The following ZNG1F variants were observed in gnomAD, a reference collection of about 807,000 sequenced individuals.
ZNG1F encodes zinc-regulated GTPase metalloprotein activator 1F.
chr9:41,155,277 G>C, the ZNG1F span, among the ~76,000 whole-genome samples: 1 of 150,520 alleles, frequency 6.6e-6, no homozygotes, highest in African/African-American at 2.4e-5. Context: ...CTGGCCATCA[G>C]AGAAATGCAA....
chr9:41,150,216 G>T, the ZNG1F span, among the ~76,000 whole-genome samples: 2 of 144,576 alleles, frequency 1.4e-5, no homozygotes, highest in South Asian at 4.6e-4. Context: ...GTGACAGACT[G>T]CACCTGTAAG....
the ZNG1F span, chr9:41,157,421 A>C: frequency 7.2e-6 from 1 of 139,732 alleles, no homozygotes; most frequent in African/African-American, 2.8e-5. Flanking sequence ...CCGAGATTGC[A>C]CCACTGCACT....
the ZNG1F span, among the ~76,000 whole-genome samples, chr9:41,185,708 T>C: frequency 2.0e-5 from 3 of 149,796 alleles, no homozygotes; most frequent in Admixed American, 1.3e-4. Flanking sequence ...AAACGTTTTT[T>C]CATATGTCTA....
chr9:41,158,894 A>T, the ZNG1F span: 1 of 142,262 alleles, frequency 7.0e-6, no homozygotes, highest in Non-Finnish European at 1.5e-5. Flanking sequence ...AGGAAAAAAA[A>T]GACCATTACC....
chr9:41,145,508 G>A, the ZNG1F span: 1 of 627,182 alleles, frequency 1.6e-6, no homozygotes, highest in Non-Finnish European at 2.6e-6. Context: ...GGCAGATTAA[G>A]TTTTTTTAAA....
the ZNG1F span, among the ~76,000 whole-genome samples, chr9:41,185,653 C>T: frequency 6.6e-6 from 1 of 151,942 alleles, no homozygotes; most frequent in Non-Finnish European, 1.5e-5. Flanking sequence ...AGCCTGGCAA[C>T]AGAGAGAGAC....
At chr9:41,185,531 G>T in the ZNG1F span, among the ~76,000 whole-genome samples, 2 of 144,370 alleles carry the variant, frequency 1.4e-5, no homozygotes, top group South Asian at 4.5e-4. Context: ...AAATTATCTG[G>T]GCATGGTGGC....
chr9:41,199,693 T>C, the ZNG1F span, among the ~76,000 whole-genome samples: 4 of 151,576 alleles, frequency 2.6e-5, no homozygotes, highest in Non-Finnish European at 4.4e-5. Context: ...ATCTCACATT[T>C]CCCTTTCACA....
the ZNG1F span, among the ~76,000 whole-genome samples, chr9:41,200,881 T>A: frequency 6.6e-6 from 1 of 151,028 alleles, no homozygotes; most frequent in Non-Finnish European, 1.5e-5. Context: ...AGGAAAGACC[T>A]GCCCCCATAA....
chr9:41,200,675 A>G, the ZNG1F span, among the ~76,000 whole-genome samples: 2 of 152,086 alleles, frequency 1.3e-5, no homozygotes, highest in African/African-American at 4.8e-5. Flanking sequence ...CATACCTGAG[A>G]CTGGGCAATT....
the ZNG1F span, among the ~76,000 whole-genome samples, chr9:41,185,607 A>G: frequency 6.3e-4 from 96 of 151,810 alleles, no homozygotes; most frequent in South Asian, 0.019. Flanking sequence ...CGGGAGACAG[A>G]GGTGGCAGTG....
chr9:41,165,087 C>T, the ZNG1F span: 1 of 1,575,532 alleles, frequency 6.3e-7, no homozygotes, highest in Non-Finnish European at 8.6e-7. Flanking sequence ...AAGCAACTTG[C>T]CTAAAATAGC....
At chr9:41,156,250 T>A in the ZNG1F span, 1 of 172,706 alleles carries the variant, frequency 5.8e-6, no homozygotes, top group Non-Finnish European at 1.0e-5. Flanking sequence ...ATATACCTCA[T>A]TAAGAATGGT....
chr9:41,152,351 G>A, the ZNG1F span, among the ~76,000 whole-genome samples: 1 of 149,554 alleles, frequency 6.7e-6, no homozygotes, highest in Admixed American at 6.8e-5. Context: ...GATTCATAAA[G>A]CAAGTCCTTA....
At chr9:41,132,299 A>G in the ZNG1F span, 1 of 1,604,780 alleles carries the variant, frequency 6.2e-7, no homozygotes, top group African/African-American at 1.4e-5. Context: ...CAGATCACAG[A>G]GCTCATGGAC....
At chr9:41,154,782 G>T in the ZNG1F span, among the ~76,000 whole-genome samples, 6 of 150,312 alleles carry the variant, frequency 4.0e-5, 1 homozygote, top group South Asian at 1.1e-3. Flanking sequence ...AAATGGTGCT[G>T]GGAAAACCGG....
chr9:41,175,636 CATTG>C, the ZNG1F span, among the ~76,000 whole-genome samples: 3 of 92,192 alleles, frequency 3.3e-5, no homozygotes, highest in Non-Finnish European at 6.3e-5. Context: ...TTTAAAAATT[CATTG>C]ATTTTTAGTC....
the ZNG1F span, among the ~76,000 whole-genome samples, chr9:41,141,195 T>A: frequency 6.6e-6 from 1 of 151,712 alleles, no homozygotes; most frequent in Non-Finnish European, 1.5e-5. Context: ...ACCAATAAAC[T>A]CTTTTCATGT....
At chr9:41,144,659 C>T in the ZNG1F span, among the ~76,000 whole-genome samples, 20 of 148,498 alleles carry the variant, frequency 1.3e-4, no homozygotes, top group Non-Finnish European at 2.2e-4. Context: ...TGCTCACTTA[C>T]ACATCCCCCA....
Sources: gnomAD v4.1 joint callset for allele counts (sites outside exome capture counted in the v4.1 genomes callset) on GRCh38, gnomAD v4.1.1 for gene constraint, MANE v1.5 for transcripts, NCBI Gene and HGNC (gene_info 2026-07-23, HGNC 2026-07-21) for gene names.